The following AGO2 variants were observed in gnomAD, a reference collection of about 807,000 sequenced individuals.
AGO2 encodes argonaute RISC catalytic component 2, also known as protein argonaute-2.
In AGO2, 5 loss-of-function variants were observed where a neutral mutation model predicts 102.3. The observed-to-expected ratio is 0.05, with a 90% CI of 0.03 to 0.10. The LOEUF is 0.10. Ranked by LOEUF, AGO2 falls within the 10% of genes least tolerant of loss-of-function variation. The pLI, the probability that AGO2 is intolerant of heterozygous loss-of-function variation, is 1.00. For missense variants in AGO2, 541 were observed against 1,183.7 expected, an observed-to-expected ratio of 0.46 and a Z score of 7.97; for synonymous variants, 449 against 473.1, an observed-to-expected ratio of 0.95 and a Z score of 0.66.
intron 1 of AGO2, among the ~76,000 whole-genome samples, chr8:140,594,825 C>CTGTGCGTGTGTGTG (rs377683507): frequency 1.4e-5 from 2 of 146,028 alleles, no homozygotes; most frequent in Non-Finnish European, 3.0e-5. Context: ...AAGAAAAAAA[C>CTGTGCGTGTGTGTG]TGTGTGTGTG....
At chr8:140,611,358 C>T (rs539061858) in intron 1 of AGO2, among the ~76,000 whole-genome samples, 20 of 151,068 alleles carry the variant, frequency 1.3e-4, no homozygotes, top group Middle Eastern at 3.5e-3. Flanking sequence ...TATGGAGACT[C>T]GCTCTGTTGC....
In AGO2 at chr8:140,527,031, C is replaced by CTGGACTG. The variant is rs2132840847; in HGVS notation, c.*5012_*5013insCAGTCCA. ...TCCTAGTAGCAGGCGGAGCAGATGC[C>CTGGACTG]TCCCGTCTGGACTGTCCCAGGCTGG... On this transcript the variant is annotated 3_prime_UTR_variant, in exon 19 of 19. Coordinates refer to ENST00000220592, the MANE Select transcript of AGO2 (RefSeq NM_012154.5). The surrounding 1 kb of genome is among the most constrained non-coding windows in gnomAD (Gnocchi z 6.0). 1.3e-5 allele frequency: 2 copies of CTGGACTG among 152,148 alleles called. No homozygotes were observed. The highest frequency in any genetic ancestry group is 4.8e-5 in the African/African-American group (2 of 41,496). 9.4% of individuals were successfully genotyped at this position (152,148 alleles called of 1,614,324 possible). A position where few individuals can be genotyped will look rare whatever the true frequency, so the allele number is the denominator to read the frequency against.
chr8:140,532,793 GA>G, intron 17 of AGO2, 178 bp from the exon 18 acceptor site: 2 of 609,050 alleles, frequency 3.3e-6, no homozygotes, highest in Middle Eastern at 9.1e-4. Flanking sequence ...TCAGGAGTTC[GA>G]GTCCAGCCTG....
At chr8:140,562,003 G>A (rs1442415609) in intron 4 of AGO2, among the ~76,000 whole-genome samples, 1 of 152,204 alleles carries the variant, frequency 6.6e-6, no homozygotes, top group Non-Finnish European at 1.5e-5. Flanking sequence ...AATCGCAAGT[G>A]TGGCCATTTG....
At chr8:140,582,608 C>CCTTAT (rs2073574333) in intron 2 of AGO2, among the ~76,000 whole-genome samples, 1 of 151,984 alleles carries the variant, frequency 6.6e-6, no homozygotes, top group Admixed American at 6.6e-5. Flanking sequence ...TTCAACAGAC[C>CCTTAT]CTTACCTCAC....
chr8:140,533,752 A>G (rs1340156537), intron 17 of AGO2, among the ~76,000 whole-genome samples: 1 of 151,932 alleles, frequency 6.6e-6, no homozygotes. Flanking sequence ...GGCTGCAGTG[A>G]GCTGAGTACA....
intron 17 of AGO2, among the ~76,000 whole-genome samples, chr8:140,532,979 C>G (rs988781166): frequency 2.1e-5 from 3 of 141,562 alleles, no homozygotes; most frequent in African/African-American, 8.1e-5. Flanking sequence ...GCCTGGGCAA[C>G]AGAGAGAGAC....
chr8:140,522,723 G>A lies in AGO2; in HGVS notation c.*9321C>T, dbSNP rs1477583551. ...GAGAGAGGGAGGGGGAGGGGGGAGA[G>A]GGGGAGAGAGAGAGAGAGAGAGAGA... is the stretch of plus-strand genomic sequence containing the variant. On this transcript the variant is annotated 3_prime_UTR_variant, in exon 19 of 19. Coordinates refer to ENST00000220592, the MANE Select transcript of AGO2 (RefSeq NM_012154.5). The A allele has an allele frequency of 9.7e-6, 1 of 103,214 alleles. No homozygotes were observed. The highest frequency in any genetic ancestry group is 2.9e-5 in the African/African-American group (1 of 33,956). The allele number at this position is 103,214 out of a possible 1,614,324, so 6.4% of individuals were successfully genotyped here.
chr8:140,590,231 C>T (rs1588484592), intron 1 of AGO2, among the ~76,000 whole-genome samples: 2 of 152,206 alleles, frequency 1.3e-5, no homozygotes, highest in African/African-American at 4.8e-5. Flanking sequence ...CTACCCCCTC[C>T]CCCCGGTCTG....
chr8:140,566,689 C>G (rs987759096), intron 3 of AGO2, among the ~76,000 whole-genome samples: 6 of 151,358 alleles, frequency 4.0e-5, no homozygotes, highest in African/African-American at 1.5e-4. Context: ...GCGCCCCGGG[C>G]CAGGTGGCAG....
chr8:140,622,199 G>C (rs938382106), intron 1 of AGO2, among the ~76,000 whole-genome samples: 10 of 152,228 alleles, frequency 6.6e-5, no homozygotes, highest in African/African-American at 2.4e-4. Flanking sequence ...CAGTGAGACG[G>C]AACGCAGATG....
chr8:140,615,608 A>G (rs2074132100), intron 1 of AGO2, among the ~76,000 whole-genome samples: 1 of 152,284 alleles, frequency 6.6e-6, no homozygotes, highest in African/African-American at 2.4e-5. Context: ...GGCTGACATC[A>G]GGTAGGAAAT....
intron 12 of AGO2, among the ~76,000 whole-genome samples, chr8:140,548,466 C>T (rs1212842730): frequency 5.3e-5 from 8 of 152,158 alleles, no homozygotes; most frequent in Admixed American, 2.0e-4. Context: ...AAGAGCTCCA[C>T]GGACCCACCC....
intron 2 of AGO2, among the ~76,000 whole-genome samples, chr8:140,580,149 C>T (rs887881600): frequency 3.9e-5 from 6 of 152,238 alleles, no homozygotes; most frequent in Non-Finnish European, 7.3e-5. Context: ...TGTTGTGCAG[C>T]CACCTTGGTG....
intron 2 of AGO2, among the ~76,000 whole-genome samples, chr8:140,579,418 C>T (rs1187899880): frequency 1.3e-5 from 2 of 152,202 alleles, no homozygotes; most frequent in African/African-American, 4.8e-5. Context: ...CATTTTCCTA[C>T]TCTGTGTCTT....
rs576959875 is a variant in AGO2, at chr8:140,557,627, A to G, written c.879-391T>C. The stretch of plus-strand genomic sequence containing the variant: ...CCAGAAGGCCTGAAGCCCCCAGGAC[A>G]GGACGAGGAAAGCAGGCCAGGCCGG... On this transcript the variant is annotated intron_variant, in intron 7 of 18. Transcript: ENST00000220592. The surrounding 1 kb of genome is among the most constrained non-coding windows in gnomAD (Gnocchi z 5.9). 1.2e-4 allele frequency among the ~76,000 whole-genome samples: 18 copies of G among 152,356 alleles called. No homozygotes were observed. Among genetic ancestry groups the G allele is most frequent in the Admixed American group, 6.5e-4 (10 of 15,310 alleles).
At chr8:140,548,975 T>A (rs1463833430) in intron 12 of AGO2, 139 bp downstream of exon 12, 3 of 1,066,672 alleles carry the variant, frequency 2.8e-6, no homozygotes, top group Non-Finnish European at 3.9e-6. Flanking sequence ...ACAAGCCACC[T>A]CTTCTTCCTC....
intron 1 of AGO2, among the ~76,000 whole-genome samples, chr8:140,607,934 A>G (rs1432037201): frequency 1.3e-5 from 2 of 152,136 alleles, no homozygotes; most frequent in African/African-American, 2.4e-5. Context: ...TGTTCCGCAT[A>G]TTTTACAAAC....
chr8:140,552,129 T>C (rs2073010283), intron 10 of AGO2, among the ~76,000 whole-genome samples: 1 of 152,246 alleles, frequency 6.6e-6, no homozygotes, highest in Non-Finnish European at 1.5e-5. Flanking sequence ...CCTCCTGTTC[T>C]ATACAGAGCT....
Sources: gnomAD v4.1 joint callset for allele counts (sites outside exome capture counted in the v4.1 genomes callset) on GRCh38, gnomAD v4.1.1 for gene constraint, Gnocchi (gnomAD v3.1) non-coding constraint, MANE v1.5 for transcripts, NCBI Gene and HGNC (gene_info 2026-07-23, HGNC 2026-07-21) for gene names.